The following TAB2 variants were observed in gnomAD, a reference collection of about 807,000 sequenced individuals.
TAB2 encodes TGF-beta-activated kinase 1 and MAP3K7-binding protein 2.
Under a neutral mutation model 65.0 loss-of-function variants are expected in TAB2, and 3 were observed. The ratio of observed to expected loss-of-function variants is 0.05; its 90% CI spans 0.02 to 0.12. The LOEUF is 0.12. Ranked by LOEUF, TAB2 falls within the 10% of genes least tolerant of loss-of-function variation. The pLI is 1.00. For synonymous variants in TAB2, 298 were observed against 285.1 expected, an observed-to-expected ratio of 1.05 and a Z score of -0.46; for missense variants, 623 against 840.3, an observed-to-expected ratio of 0.74 and a Z score of 3.20.
chr6:149,398,073 G>C lies in TAB2; in HGVS notation c.1858+11G>C, dbSNP rs749751110. On this transcript the variant is annotated intron_variant, in intron 5 of 6. Coordinates refer to ENST00000637181, the MANE Select transcript of TAB2 (RefSeq NM_001292034.3). ...TTTTTCAAGCCCGAGGTAAAGTTCA[G>C]TGTATTTGTAGCTGAAATTCATCGT... 46 of 1,609,874 alleles carry C rather than the reference G, an allele frequency of 2.9e-5. No individual in the cohort carries two copies. The highest frequency in any genetic ancestry group is 1.6e-4 in the Middle Eastern group (1 of 6,072).
At chr6:149,265,903 A>T (rs1292549022) in intron 1 of TAB2, among the ~76,000 whole-genome samples, 1 of 152,162 alleles carries the variant, frequency 6.6e-6, no homozygotes, top group Admixed American at 6.5e-5. Flanking sequence ...CTGAGCGAGG[A>T]ATGTTCATCC....
intron 1 of TAB2, among the ~76,000 whole-genome samples, chr6:149,312,510 G>T (rs993718044): frequency 1.3e-5 from 2 of 152,100 alleles, no homozygotes; most frequent in Non-Finnish European, 2.9e-5. Context: ...TTACAGGTGT[G>T]TGCCACCACG....
upstream of TAB2, among the ~76,000 whole-genome samples, chr6:149,315,403 T>C (rs183539701): frequency 3.6e-4 from 55 of 152,342 alleles, no homozygotes; most frequent in Non-Finnish European, 7.2e-4. Flanking sequence ...TATATGTATG[T>C]ATTTTATTTT....
At chr6:149,240,382 A>G (rs1426365827) in intron 1 of TAB2, among the ~76,000 whole-genome samples, 1 of 152,062 alleles carries the variant, frequency 6.6e-6, no homozygotes, top group Non-Finnish European at 1.5e-5. Flanking sequence ...AACAAGGGGG[A>G]CATTTCTGCA....
rs779735086 is a variant in TAB2, at chr6:149,379,018, A to T, written c.1103A>T (p.Tyr368Phe). The change falls in exon 3 of 7, where the codon TAC becomes TTC. Residue 368 changes from tyrosine (Y) to phenylalanine (F), a missense_variant. By Grantham distance (22) the Tyr-to-Phe change is conservative. Coordinates refer to ENST00000637181, the MANE Select transcript of TAB2 (RefSeq NM_001292034.3). ...QTLNRNQPTV[Y>F]IAASPPNTDE... ...TTAAACAGAAATCAGCCCACTGTTT[A>T]CATAGCTGCCAGCCCCCCAAATACG... is the stretch of plus-strand genomic sequence containing the variant. 1 of 1,614,228 alleles carries T rather than the reference A, an allele frequency of 6.2e-7. No homozygotes were observed. The highest frequency in any genetic ancestry group is 8.5e-7 in the Non-Finnish European group (1 of 1,180,032).
At chr6:149,370,602 A>C (rs892092952) in intron 2 of TAB2, among the ~76,000 whole-genome samples, 1 of 152,100 alleles carries the variant, frequency 6.6e-6, no homozygotes, top group East Asian at 1.9e-4. Context: ...CAAATGGGGG[A>C]AAAAAGTCTG....
chr6:149,242,825 C>G (rs1035218701), intron 1 of TAB2, among the ~76,000 whole-genome samples: 11 of 152,172 alleles, frequency 7.2e-5, no homozygotes, highest in African/African-American at 2.4e-4. Context: ...CCCATGATGC[C>G]CAGCCCCTGG....
At position 149,263,614 on chromosome 6, in the gene TAB2, G is replaced by T. The variant is rs150442740; in HGVS notation, c.-121+44838G>T. 3.8e-3 allele frequency among the ~76,000 whole-genome samples: 574 copies of T among 152,336 alleles called. 3 individuals are homozygous for T. Among genetic ancestry groups the T allele is most frequent in the African/African-American group, 0.013 (526 of 41,574 alleles). ...TGGTAAGATGTCAACATATGGAGAT[G>T]AACAGAATATTCCAAATGAACGGCA... On this transcript the variant is annotated intron_variant, in intron 1 of 1. Coordinates refer to the TAB2 transcript ENST00000606202.
In TAB2 at chr6:149,298,736, G is replaced by A. The variant is rs1405044607; in HGVS notation, c.-120-79282G>A. Among the ~76,000 whole-genome samples the A allele has an allele frequency of 2.0e-5, 3 of 149,962 alleles. No homozygotes were observed. The East Asian group carries it at 5.9e-4, about 29-fold the overall frequency. On this transcript the variant is annotated intron_variant, in intron 1 of 1. Transcript: ENST00000606202. ...AGTATTTACTCTTTATTCTAACAAAGAATTAGAATGTGGAAGATATTTTAC... is the reference window on the plus strand; with the variant it reads ...AGTATTTACTCTTTATTCTAACAAAAAATTAGAATGTGGAAGATATTTTAC...
At chr6:149,249,822 T>A (rs1777823509) in intron 1 of TAB2, among the ~76,000 whole-genome samples, 1 of 152,224 alleles carries the variant, frequency 6.6e-6, no homozygotes, top group African/African-American at 2.4e-5. Context: ...TCACTGGTCT[T>A]ACAAACCAGT....
At chr6:149,232,250 C>T (rs867235075) in intron 1 of TAB2, among the ~76,000 whole-genome samples, 17 of 151,788 alleles carry the variant, frequency 1.1e-4, no homozygotes, top group African/African-American at 3.4e-4. Context: ...TTTTTTTAGA[C>T]GGACTCTCGC....
At chr6:149,408,770 A>G (rs982272511) in intron 6 of TAB2, among the ~76,000 whole-genome samples, 1 of 152,182 alleles carries the variant, frequency 6.6e-6, no homozygotes, top group Non-Finnish European at 1.5e-5. Context: ...GAATATAATT[A>G]TTCTCTGTAT....
upstream of TAB2, among the ~76,000 whole-genome samples, chr6:149,316,248 A>C (rs940311160): frequency 2.0e-5 from 3 of 152,242 alleles, no homozygotes; most frequent in African/African-American, 7.2e-5. Flanking sequence ...ATTGTAAATC[A>C]TAAGTACTTT....
intron 3 of TAB2, among the ~76,000 whole-genome samples, chr6:149,397,390 G>A (rs1262952091): frequency 7.9e-5 from 12 of 151,466 alleles, no homozygotes; most frequent in South Asian, 4.2e-4. Flanking sequence ...GCACTGAGCC[G>A]AGATCGCACC....
chr6:149,389,351 A>G (rs1190697178), intron 3 of TAB2, among the ~76,000 whole-genome samples: 3 of 151,882 alleles, frequency 2.0e-5, no homozygotes, highest in South Asian at 2.1e-4. Context: ...ATCCTCTTTT[A>G]AATTGTAAAT....
At chr6:149,279,250 C>T (rs558667900) in intron 1 of TAB2, among the ~76,000 whole-genome samples, 1 of 152,224 alleles carries the variant, frequency 6.6e-6, no homozygotes, top group South Asian at 2.1e-4. Context: ...CTCCTTCAAA[C>T]TTGCTCCATG....
At chr6:149,334,851 G>T (rs1156401014) in intron 1 of TAB2, among the ~76,000 whole-genome samples, 1 of 152,108 alleles carries the variant, frequency 6.6e-6, no homozygotes, top group Non-Finnish European at 1.5e-5. Flanking sequence ...GAGAGGAAAA[G>T]AATTGAGAAC....
At chr6:149,238,328 T>A (rs1488235082) in intron 1 of TAB2, among the ~76,000 whole-genome samples, 1 of 152,192 alleles carries the variant, frequency 6.6e-6, no homozygotes, top group Admixed American at 6.5e-5. Context: ...CTCCTCTTCT[T>A]CTCTACCTTT....
chr6:149,258,820 G>A (rs1417290385), intron 1 of TAB2, among the ~76,000 whole-genome samples: 1 of 152,222 alleles, frequency 6.6e-6, no homozygotes, highest in African/African-American at 2.4e-5. Flanking sequence ...GAAGGTGGAA[G>A]CAAGCTACTG....
Sources: gnomAD v4.1 joint callset for allele counts (sites outside exome capture counted in the v4.1 genomes callset) on GRCh38, gnomAD v4.1.1 for gene constraint, MANE v1.5 for transcripts, NCBI Gene and HGNC (gene_info 2026-07-23, HGNC 2026-07-21) for gene names.